The following RNF10 variants were observed in gnomAD, a reference collection of about 807,000 sequenced individuals.
RNF10 encodes E3 ubiquitin-protein ligase RNF10.
RNF10 carries 38 observed loss-of-function variants against 91.4 expected under a neutral mutation model. The ratio of observed to expected loss-of-function variants is 0.42; its 90% CI spans 0.32 to 0.54. RNF10 has a LOEUF of 0.54. RNF10 is among the 20% of genes least tolerant of loss of function. RNF10 has a pLI of 0.16. For missense variants in RNF10, 945 were observed against 1,012.0 expected (o/e 0.93, Z 0.90); for synonymous variants, 364 against 366.3 (o/e 0.99, Z 0.07).
intron 13 of RNF10, among the ~76,000 whole-genome samples, chr12:120,568,531 A>G (rs1876118530): frequency 6.7e-6 from 1 of 149,792 alleles, no homozygotes; most frequent in African/African-American, 2.5e-5. Flanking sequence ...GCTGGAGTGC[A>G]CTGGTGCAAT....
At chr12:120,539,906 G>T (rs1365527282) in intron 1 of RNF10, among the ~76,000 whole-genome samples, 1 of 151,602 alleles carries the variant, frequency 6.6e-6, no homozygotes, top group Non-Finnish European at 1.5e-5. Context: ...CGCGATCTCA[G>T]CTCACTTTAA....
chr12:120,546,204 C>T lies in RNF10; in HGVS notation c.158-201C>T, dbSNP rs905099206. ...TGTGTTTGTTTTGAGGGAGGGGACC[C>T]GTTAGGCTTCATTATTGCAAGAAAA... is the stretch of plus-strand genomic sequence containing the variant. On this transcript the variant is annotated intron_variant, in intron 1 of 16. Transcript: ENST00000325954. Among the ~76,000 whole-genome samples, 3 of 151,976 alleles carry T rather than the reference C, an allele frequency of 2.0e-5. No homozygotes were observed. The South Asian group carries it at 6.2e-4, about 32-fold the overall frequency.
intron 1 of RNF10, among the ~76,000 whole-genome samples, chr12:120,535,817 C>T (rs1451599529): frequency 6.6e-6 from 1 of 152,116 alleles, no homozygotes; most frequent in Non-Finnish European, 1.5e-5. Context: ...GTGCCAAGTA[C>T]TAGGTGAAGT....
chr12:120,546,490 C>T lies in RNF10; in HGVS notation c.243C>T (p.Ser81=). Residue 81 remains serine, a synonymous_variant, in exon 2 of 17, where the codon TCC becomes TCT. Transcript: ENST00000325954. ...YPKNESFNNQ[S]RRSSSQKSKT... ...AAAATGAAAGTTTTAACAACCAGTC[C>T]CGTCGCTCCAGTTCACAGAAAAGCA... 1 of 1,614,150 alleles carries T rather than the reference C, an allele frequency of 6.2e-7. No individual in the cohort carries two copies. Among genetic ancestry groups the T allele is most frequent in the Non-Finnish European group, 8.5e-7 (1 of 1,180,024 alleles).
In RNF10 at chr12:120,560,744, A is replaced by T; in HGVS notation, c.986A>T (p.Tyr329Phe). ...IHLGDEQHSQ[Y>F]SKLLLASKEQ... ...CTTATAGATGAACAGCACAGCCAGT[A>T]CTCCAAGTTGCTGCTGGCCTCTAAG... Residue 329 changes from tyrosine to phenylalanine, a missense_variant, in exon 7 of 17, where the codon TAC becomes TTC. Coordinates refer to ENST00000325954, the MANE Select transcript of RNF10 (RefSeq NM_014868.5). The T allele has an allele frequency of 6.2e-7, 1 of 1,613,874 alleles. No individual in the cohort carries two copies.
chr12:120,576,517 T>C lies in RNF10; in HGVS notation c.2360-73T>C, dbSNP rs555046606. The stretch of plus-strand genomic sequence containing the variant: ...ACTCTTAGCTCCCACTCTGTGACTC[T>C]CAGTAATGAAAACTGGCCAGGGGAC... On this transcript the variant is annotated intron_variant, in intron 16 of 16. Coordinates refer to ENST00000325954, the MANE Select transcript of RNF10 (RefSeq NM_014868.5). The C allele has an allele frequency of 3.2e-6, 5 of 1,555,158 alleles. No individual in the cohort carries two copies. In the East Asian group the frequency reaches 6.9e-5, roughly 22 times the overall value.
Position 120,559,887 on chromosome 12 carries a change from G to A in RNF10, c.968-839G>A, listed in dbSNP as rs779973223. 2.0e-5 allele frequency among the ~76,000 whole-genome samples: 3 copies of A among 151,374 alleles called. 1 individual carries two copies. Among genetic ancestry groups the A allele is most frequent in the South Asian group, 4.2e-4 (2 of 4,786 alleles). Reference sequence around the variant, plus strand: ...ATTTTTTGTATTTTTAATAGAAACAGGGTATCTCTATGTTGGCCAGGCTGG... The same window carrying A: ...ATTTTTTGTATTTTTAATAGAAACAAGGTATCTCTATGTTGGCCAGGCTGG... On this transcript the variant is annotated intron_variant, in intron 6 of 16. Transcript: ENST00000325954.
At chr12:120,551,076 A>G (rs1278457494) in intron 2 of RNF10, among the ~76,000 whole-genome samples, 3 of 150,174 alleles carry the variant, frequency 2.0e-5, no homozygotes, top group Admixed American at 6.7e-5. Flanking sequence ...GCCTTGACCT[A>G]CTGGGCTCAA....
Position 120,576,639 on chromosome 12 carries a change from C to G in RNF10, c.2409C>G (p.Phe803Leu). The change falls in exon 17 of 17, where the codon TTC (phenylalanine) becomes TTG (leucine). Residue 803 changes from phenylalanine (F) to leucine (L), a missense_variant. Transcript: ENST00000325954. Reference protein sequence around the residue: ...KRKKQKQKLLFSTSVVHTK With the variant: ...KRKKQKQKLLLSTSVVHTK ...AAAAACAGAAACAGAAGCTCCTGTTCAGCACCTCAGTCGTCCACACCAAGT... is the reference window on the plus strand; with the variant it reads ...AAAAACAGAAACAGAAGCTCCTGTTGAGCACCTCAGTCGTCCACACCAAGT... The G allele has an allele frequency of 6.2e-7, 1 of 1,614,014 alleles. No homozygotes were observed. The highest frequency in any genetic ancestry group is 8.5e-7 in the Non-Finnish European group (1 of 1,179,950).
intron 7 of RNF10, 135 bp downstream of exon 7, chr12:120,561,021 C>A: frequency 1.1e-6 from 1 of 883,324 alleles, no homozygotes; most frequent in Non-Finnish European, 1.7e-6. Context: ...TTCCATTCCA[C>A]ATTTAAGACA....
intron 6 of RNF10, among the ~76,000 whole-genome samples, chr12:120,559,174 CTCT>C (rs1874462426): frequency 4.2e-5 from 3 of 71,892 alleles, no homozygotes; most frequent in Non-Finnish European, 5.6e-5. Context: ...TCTTGAACTA[CTCT>C]TTTTTTTTTT....
At chr12:120,567,860 G>GGT (rs145039001) in intron 13 of RNF10, among the ~76,000 whole-genome samples, 13 of 80,546 alleles carry the variant, frequency 1.6e-4, no homozygotes, top group African/African-American at 3.3e-4. Context: ...TTTCATTATG[G>GGT]GTGTGTGTGT....
At chr12:120,549,471 A>G (rs1210244934) in intron 2 of RNF10, among the ~76,000 whole-genome samples, 2 of 152,116 alleles carry the variant, frequency 1.3e-5, no homozygotes, top group Non-Finnish European at 2.9e-5. Flanking sequence ...TGCCAGGTGA[A>G]TACAGCAGAT....
intron 13 of RNF10, among the ~76,000 whole-genome samples, chr12:120,567,228 T>A (rs1305986286): frequency 2.6e-5 from 4 of 152,050 alleles, no homozygotes; most frequent in African/African-American, 9.7e-5. Flanking sequence ...AATGGAGTCT[T>A]CCCTTTGACC....
chr12:120,555,797 CTT>C (rs371682626), intron 4 of RNF10, among the ~76,000 whole-genome samples: 2 of 145,168 alleles, frequency 1.4e-5, no homozygotes, highest in African/African-American at 2.5e-5. Flanking sequence ...TACCTGGCCT[CTT>C]TTTTTTTTTG....
rs765429535 is a variant in RNF10, at chr12:120,563,819, G to A, written c.1541G>A (p.Gly514Glu). 6.2e-7 allele frequency: 1 copy of A among 1,614,088 alleles called. No individual in the cohort carries two copies. ...AGCCCCTTGTCCTCAGCGGAAGATG[G>A]ACAGCATATGTTCCTGCACCCTGTG... ...PCYYFYQAEDGQHMFLHPVNV... is the reference protein window; with the variant it reads ...PCYYFYQAEDEQHMFLHPVNV... The change falls in exon 10 of 17, where the codon GGA (glycine) becomes GAA (glutamate). Residue 514 changes from glycine to glutamate, a missense_variant. By Grantham distance (98) the Gly-to-Glu change is moderately conservative. Coordinates refer to ENST00000325954, the MANE Select transcript of RNF10 (RefSeq NM_014868.5).
At chr12:120,569,137 T>C (rs997294286) in intron 13 of RNF10, among the ~76,000 whole-genome samples, 2 of 151,922 alleles carry the variant, frequency 1.3e-5, no homozygotes, top group Admixed American at 1.3e-4. Context: ...GCCTGGCTAA[T>C]TTTGTATTTT....
intron 3 of RNF10, 113 bp downstream of exon 3, chr12:120,552,811 TG>T: frequency 1.1e-6 from 1 of 918,266 alleles, no homozygotes; most frequent in Non-Finnish European, 1.6e-6. Flanking sequence ...GAAAGGGAAT[TG>T]GTCTCGTTCT....
At chr12:120,564,912 GT>G (rs1172860013) in intron 10 of RNF10, among the ~76,000 whole-genome samples, 159 bp from the exon 11 acceptor site, 1 of 152,196 alleles carries the variant, frequency 6.6e-6, no homozygotes, top group Non-Finnish European at 1.5e-5. Context: ...TAGGTTGACA[GT>G]TTCTCTTTGG....
Sources: allele counts gnomAD v4.1 joint callset (sites outside exome capture counted in the v4.1 genomes callset), GRCh38; gene constraint gnomAD v4.1.1; transcripts MANE v1.5; gene names NCBI Gene and HGNC (gene_info 2026-07-23, HGNC 2026-07-21).